SSBP4: variants seen among roughly 807,000 people sequenced by gnomAD.
The protein encoded by SSBP4 is single-stranded DNA-binding protein 4.
Under a neutral mutation model 64.6 loss-of-function variants are expected in SSBP4, and 33 were observed. The observed-to-expected ratio is 0.51, with a 90% CI of 0.39 to 0.68. SSBP4 has a LOEUF of 0.68. Ranked by LOEUF, SSBP4 falls within the 30% of genes least tolerant of loss-of-function variation. SSBP4 has a pLI of 0.00. For missense variants in SSBP4, 583 were observed against 566.8 expected, an observed-to-expected ratio of 1.03 and a Z score of -0.29; for synonymous variants, 243 against 224.0, an observed-to-expected ratio of 1.08 and a Z score of -0.76.
In SSBP4 at chr19:18,424,562, TCGGGG is replaced by T. The variant is rs1219818729; in HGVS notation, c.60-2783_60-2779del. ...GGTGACAGGGCAGCCAGTGTGTGGG[TCGGGG>T]CGGGGGGCGGCACAGGAGGGTTTGA... is the stretch of plus-strand genomic sequence containing the variant. On this transcript the variant is annotated intron_variant, in intron 1 of 17. Coordinates refer to ENST00000270061, the MANE Select transcript of SSBP4 (RefSeq NM_032627.5). Among the ~76,000 whole-genome samples the T allele has an allele frequency of 3.1e-5, 4 of 129,836 alleles. No homozygotes were observed. The East Asian group carries it at 6.8e-4, about 22-fold the overall frequency. The allele number at this position is 129,836 out of a possible 152,430, so 85.2% of individuals were successfully genotyped here. A position where few individuals can be genotyped will look rare whatever the true frequency, so the allele number is the denominator to read the frequency against.
At chr19:18,419,927 C>T (rs1034630526) in intron 1 of SSBP4, among the ~76,000 whole-genome samples, 10 of 148,412 alleles carry the variant, frequency 6.7e-5, no homozygotes, top group African/African-American at 2.5e-4. Context: ...TGAGGGTTGG[C>T]GGGCGACCCG....
At chr19:18,432,434 C>T in intron 10 of SSBP4, 125 bp from the exon 11 acceptor site, 4 of 1,426,912 alleles carry the variant, frequency 2.8e-6, no homozygotes, top group Non-Finnish European at 3.8e-6. Flanking sequence ...GGCCACTTTT[C>T]CAGCAACATC....
chr19:18,405,989 TAAAAA>T, the SSBP4 span, among the ~76,000 whole-genome samples: 2 of 125,248 alleles, frequency 1.6e-5, no homozygotes, highest in Non-Finnish European at 1.7e-5. Context: ...AGACTCCGTC[TAAAAA>T]AAAAAAAAAA....
Position 18,433,131 on chromosome 19 carries a change from G to T in SSBP4, c.913-4G>T. On this transcript the variant is annotated splice_region_variant and splice_polypyrimidine_tract_variant and intron_variant, in intron 14 of 17. Coordinates refer to ENST00000270061, the MANE Select transcript of SSBP4 (RefSeq NM_032627.5). ...CGAGTCCCACGCTGTCCCCATGCCC[G>T]CAGTTCCCGCTCGGCCCTGGCCCGG... 2 of 1,608,878 alleles carry T rather than the reference G, an allele frequency of 1.2e-6. No individual in the cohort carries two copies. Among genetic ancestry groups the T allele is most frequent in the South Asian group, 1.1e-5 (1 of 90,658 alleles).
chr19:18,427,687 A>G lies in SSBP4; in HGVS notation c.133-65A>G. 3 of 1,515,868 alleles carry G rather than the reference A, an allele frequency of 2.0e-6. No individual in the cohort carries two copies. Among genetic ancestry groups the G allele is most frequent in the Admixed American group, 4.0e-5 (2 of 50,290 alleles). 93.9% of individuals were successfully genotyped at this position (1,515,868 alleles called of 1,614,324 possible). On this transcript the variant is annotated intron_variant, in intron 2 of 17. Transcript: ENST00000270061. The surrounding 1 kb of genome is among the most constrained non-coding windows in gnomAD (Gnocchi z 4.4). ...CTCCCTGCCCAGATGTTCTCTGGGC[A>G]CCCTGCTGGGTGGTGGGGCAGGGTC...
the SSBP4 span, among the ~76,000 whole-genome samples, chr19:18,410,525 T>C: frequency 6.6e-6 from 1 of 152,060 alleles, no homozygotes; most frequent in Non-Finnish European, 1.5e-5. Flanking sequence ...GAGTTCAAAA[T>C]GGGGACAGGA....
At chr19:18,431,612 G>A (rs79053507) in intron 6 of SSBP4, 35 bp from the exon 7 acceptor site, 1 of 1,524,156 alleles carries the variant, frequency 6.6e-7, no homozygotes, top group East Asian at 2.5e-5. Flanking sequence ...ACCAGAGGGT[G>A]GGGGAAGGTG....
intron 4 of SSBP4, among the ~76,000 whole-genome samples, chr19:18,430,304 GCCA>G (rs1304592263): frequency 1.3e-5 from 2 of 152,142 alleles, no homozygotes; most frequent in Admixed American, 6.5e-5. Context: ...GGTCTGGGCT[GCCA>G]CCACAATTTC....
At chr19:18,410,152 C>A in the SSBP4 span, among the ~76,000 whole-genome samples, 6 of 152,048 alleles carry the variant, frequency 3.9e-5, no homozygotes, top group Non-Finnish European at 8.8e-5. Flanking sequence ...CGCCACCACG[C>A]CCGGCTAATT....
chr19:18,414,035 A>AC (rs201421081), upstream of SSBP4, among the ~76,000 whole-genome samples: 12 of 149,216 alleles, frequency 8.0e-5, no homozygotes, highest in Admixed American at 2.0e-4. Context: ...AAACAAACAA[A>AC]AAAAACGGCA....
Position 18,424,619 on chromosome 19 carries a change from A to G in SSBP4, c.60-2732A>G, listed in dbSNP as rs1279008056. Among the ~76,000 whole-genome samples the G allele has an allele frequency of 2.7e-5, 4 of 150,744 alleles. No homozygotes were observed. In the East Asian group the frequency reaches 5.8e-4, roughly 22 times the overall value. On this transcript the variant is annotated intron_variant, in intron 1 of 17. Coordinates refer to ENST00000270061, the MANE Select transcript of SSBP4 (RefSeq NM_032627.5). The stretch of plus-strand genomic sequence containing the variant: ...CAAGGAACATGGGGGTGGGGGGAGC[A>G]GCACCTGGAGGGGACTCTGTCGTAA...
In SSBP4 at chr19:18,432,220, A is replaced by T; in HGVS notation, c.704+6A>T. The T allele has an allele frequency of 3.1e-6, 5 of 1,612,794 alleles. No individual in the cohort carries two copies. Among genetic ancestry groups the T allele is most frequent in the Non-Finnish European group, 4.2e-6 (5 of 1,179,880 alleles). On this transcript the variant is annotated splice_donor_region_variant and intron_variant, in intron 10 of 17. Transcript: ENST00000270061. Reference sequence around the variant, plus strand: ...GGCCTGCCTGCCATGAACATGTAAGACCCTGGGGGATCCTAGGAGTGTGCA... The same window carrying T: ...GGCCTGCCTGCCATGAACATGTAAGTCCCTGGGGGATCCTAGGAGTGTGCA...
At chr19:18,402,991 C>T in the SSBP4 span, among the ~76,000 whole-genome samples, 15 of 152,182 alleles carry the variant, frequency 9.9e-5, no homozygotes, top group Admixed American at 5.2e-4. Context: ...CTGAATGTCT[C>T]GGTATAAAAC....
At chr19:18,410,880 T>C in the SSBP4 span, among the ~76,000 whole-genome samples, 3 of 152,142 alleles carry the variant, frequency 2.0e-5, no homozygotes, top group East Asian at 1.9e-4. Flanking sequence ...AGAGGGGACA[T>C]TGGTAATCTT....
At chr19:18,408,808 A>T in the SSBP4 span, among the ~76,000 whole-genome samples, 9 of 151,364 alleles carry the variant, frequency 5.9e-5, no homozygotes, top group East Asian at 1.8e-3. Context: ...CCAAATTAAG[A>T]CAGTTCTTTT....
chr19:18,413,955 T>G (rs1972112528), upstream of SSBP4, among the ~76,000 whole-genome samples: 2 of 152,190 alleles, frequency 1.3e-5, no homozygotes, highest in Non-Finnish European at 2.9e-5. Flanking sequence ...AGGCGGAGGT[T>G]GCAGTGAGCC....
Position 18,432,181 on chromosome 19 carries a change from C to G in SSBP4, c.671C>G (p.Ser224Cys), listed in dbSNP as rs1973451452. Residue 224 changes from serine (S) to cysteine (C), a missense_variant, in exon 10 of 18, where the codon TCC becomes TGC. Coordinates refer to ENST00000270061, the MANE Select transcript of SSBP4 (RefSeq NM_032627.5). ...GGTGGCATGCGACCCCCACCCAACT[C>G]CCTCGCCGGCCCAGGCCTGCCTGCC... ...YGGGMRPPPN[S>C]LAGPGLPAMN... is the part of the protein sequence containing the mutation. 6.2e-7 allele frequency: 1 copy of G among 1,613,154 alleles called. No homozygotes were observed. The highest frequency in any genetic ancestry group is 2.2e-5 in the East Asian group (1 of 44,884).
chr19:18,419,468 AGCCGCCGCT>A lies in SSBP4; in HGVS notation c.-172_-164del, dbSNP rs927477553. The A allele has an allele frequency of 3.3e-4, 350 of 1,072,274 alleles. No homozygotes were observed. The highest frequency in any genetic ancestry group is 6.1e-4 in the South Asian group (14 of 22,948). 66.4% of individuals were successfully genotyped at this position (1,072,274 alleles called of 1,614,324 possible). On this transcript the variant is annotated 5_prime_UTR_variant, in exon 1 of 18. Coordinates refer to ENST00000270061, the MANE Select transcript of SSBP4 (RefSeq NM_032627.5). ...ACCCTGCGGCCGGGGCCGGAGCTGGAGCCGCCGCTGCCGCCGCCGCCGCGGCCGTCTGGA... is the reference window on the plus strand; with the variant it reads ...ACCCTGCGGCCGGGGCCGGAGCTGGAGCCGCCGCCGCCGCGGCCGTCTGGA...
chr19:18,431,155 G>A (rs187107667), intron 5 of SSBP4, among the ~76,000 whole-genome samples, 198 bp from the exon 6 acceptor site: 2 of 151,966 alleles, frequency 1.3e-5, no homozygotes, highest in Non-Finnish European at 2.9e-5. Context: ...GCACATGTGT[G>A]CGCACAGGGT....
Sources: allele counts gnomAD v4.1 joint callset (sites outside exome capture counted in the v4.1 genomes callset), GRCh38; gene constraint gnomAD v4.1.1; non-coding constraint Gnocchi (gnomAD v3.1); transcripts MANE v1.5; gene names NCBI Gene and HGNC (gene_info 2026-07-23, HGNC 2026-07-21).